Variants in USP13 observed in about 807,000 individuals in gnomAD.
The protein encoded by USP13 is ubiquitin specific peptidase 13, also known as ubiquitin carboxyl-terminal hydrolase 13.
Under a neutral mutation model 107.8 loss-of-function variants are expected in USP13, and 68 were observed. The ratio of observed to expected loss-of-function variants is 0.63; its 90% CI spans 0.52 to 0.77. The LOEUF (loss-of-function observed/expected upper bound fraction) is 0.77. USP13 is among the 30% of genes least tolerant of loss of function. The pLI, the probability that USP13 is intolerant of heterozygous loss-of-function variation, is 0.00. For synonymous variants in USP13, 377 were observed against 389.5 expected (o/e 0.97, Z 0.38); for missense variants, 945 against 1,093.3 (o/e 0.86, Z 1.91).
intron 10 of USP13, among the ~76,000 whole-genome samples, chr3:179,733,049 G>T (rs1213348747): frequency 6.6e-6 from 1 of 152,140 alleles, no homozygotes; most frequent in Non-Finnish European, 1.5e-5. Flanking sequence ...GACAGCTGGA[G>T]CCAAGGGGCA....
intron 1 of USP13, among the ~76,000 whole-genome samples, chr3:179,659,099 G>T (rs532955466): frequency 6.6e-6 from 1 of 152,294 alleles, no homozygotes; most frequent in South Asian, 2.1e-4. Flanking sequence ...GCTCTGAGAT[G>T]GCTCGGTGAT....
chr3:179,671,359 T>G (rs1720745436), intron 1 of USP13, among the ~76,000 whole-genome samples: 1 of 152,122 alleles, frequency 6.6e-6, no homozygotes, highest in Admixed American at 6.6e-5. Flanking sequence ...TCTAAATACA[T>G]TCAGTTAAAA....
At chr3:179,671,578 T>C (rs1476796975) in intron 1 of USP13, among the ~76,000 whole-genome samples, 1 of 152,206 alleles carries the variant, frequency 6.6e-6, no homozygotes, top group Non-Finnish European at 1.5e-5. Flanking sequence ...AAAAATACTA[T>C]GTACTTATTT....
chr3:179,690,210 G>T (rs752576482), intron 2 of USP13, 31 bp from the exon 3 acceptor site: 6 of 1,602,030 alleles, frequency 3.7e-6, no homozygotes, highest in African/African-American at 2.7e-5. Flanking sequence ...TTTATAGGCC[G>T]CATTTTAATG....
At chr3:179,719,859 A>C (rs1310838926) in intron 6 of USP13, 81 bp from the exon 7 acceptor site, 2 of 1,188,590 alleles carry the variant, frequency 1.7e-6, no homozygotes, top group Admixed American at 3.7e-5. Flanking sequence ...CCTGGTGTAC[A>C]GTAGGAGTTC....
At chr3:179,661,316 A>G (rs1168854512) in intron 1 of USP13, among the ~76,000 whole-genome samples, 1 of 152,200 alleles carries the variant, frequency 6.6e-6, no homozygotes, top group Admixed American at 6.5e-5. Context: ...ACATTAAATT[A>G]TTATCTTAAT....
chr3:179,657,799 G>A (rs1720321243), intron 1 of USP13, among the ~76,000 whole-genome samples: 1 of 146,258 alleles, frequency 6.8e-6, no homozygotes. Context: ...AAGAAAAAGA[G>A]TTAATCACAA....
rs753693643 is a variant in USP13, at chr3:179,690,295, T to C, written c.349T>C (p.Phe117Leu). ...ALPKRRNSKI[F>L]LDLDTDDDLN... is the part of the protein sequence containing the mutation. ...ACCAAAAAGGAGGAATTCCAAGATT[T>C]TTTTAGGTAAATAGTTATCAGTAGC... The change falls in exon 3 of 21, where the codon TTT becomes CTT. Residue 117 changes from phenylalanine to leucine, a missense_variant. Coordinates refer to ENST00000263966, the MANE Select transcript of USP13 (RefSeq NM_003940.3). The C allele has an allele frequency of 7.9e-5, 128 of 1,613,930 alleles. No homozygotes were observed. Among genetic ancestry groups the C allele is most frequent in the Non-Finnish European group, 1.1e-4 (128 of 1,179,954 alleles).
chr3:179,740,920 C>T (rs1271242031), intron 11 of USP13, among the ~76,000 whole-genome samples: 1 of 151,902 alleles, frequency 6.6e-6, no homozygotes, highest in Non-Finnish European at 1.5e-5. Context: ...GAGCCTGCCA[C>T]CACGCCCGGC....
rs1714635844 is a variant in USP13, at chr3:179,752,176, A to G, written c.1710-109A>G. 5.8e-6 allele frequency: 5 copies of G among 864,118 alleles called. No homozygotes were observed. In the East Asian group the frequency reaches 7.3e-5, roughly 13 times the overall value. The allele number at this position is 864,118 out of a possible 1,614,324, so 53.5% of individuals were successfully genotyped here. On this transcript the variant is annotated intron_variant, in intron 13 of 20. Coordinates refer to ENST00000263966, the MANE Select transcript of USP13 (RefSeq NM_003940.3). ...TTTGCATGTTCCTCCTCTTCAGTTC[A>G]GCCATTGGAATGGCCAGGTGTGCCT...
chr3:179,663,660 G>A lies in USP13; in HGVS notation c.168+10267G>A, dbSNP rs147764523. Among the ~76,000 whole-genome samples the A allele has an allele frequency of 1.9e-3, 295 of 152,232 alleles. 1 individual carries two copies. The highest frequency in any genetic ancestry group is 3.4e-3 in the Middle Eastern group (1 of 294). On this transcript the variant is annotated intron_variant, in intron 1 of 20. Transcript: ENST00000263966. ...AGGGGTCTGATCATCTCATTTGCCC[G>A]CCTTGAAATCCTCAATGGTGCCATT...
intron 6 of USP13, among the ~76,000 whole-genome samples, chr3:179,717,880 C>T (rs1332992729): frequency 1.3e-5 from 2 of 152,118 alleles, no homozygotes; most frequent in Non-Finnish European, 2.9e-5. Context: ...ATGAGGGTTG[C>T]TATCCACAGT....
intron 17 of USP13, 149 bp from the exon 18 acceptor site, chr3:179,763,853 T>C (rs528649112): frequency 1.8e-6 from 2 of 1,094,072 alleles, no homozygotes; most frequent in Admixed American, 3.1e-5. Flanking sequence ...CCCAAAGTGC[T>C]GGGATTACAG....
At chr3:179,743,720 T>C (rs1412819256) in intron 12 of USP13, among the ~76,000 whole-genome samples, 1 of 152,128 alleles carries the variant, frequency 6.6e-6, no homozygotes, top group African/African-American at 2.4e-5. Flanking sequence ...TTATCATTTA[T>C]TAGTGATAAC....
chr3:179,730,439 A>G (rs188345322), intron 9 of USP13, among the ~76,000 whole-genome samples, 177 bp from the exon 10 acceptor site: 1 of 152,382 alleles, frequency 6.6e-6, no homozygotes, highest in Admixed American at 6.5e-5. Context: ...GGACTGAAGA[A>G]AATTTGAAAC....
At chr3:179,779,486 C>T (rs980833190) in intron 19 of USP13, among the ~76,000 whole-genome samples, 3 of 151,786 alleles carry the variant, frequency 2.0e-5, no homozygotes, top group South Asian at 2.1e-4. Context: ...GCCGAGATTG[C>T]GCCACTGCAC....
chr3:179,786,655 C>G lies in USP13; in HGVS notation c.*2514C>G, dbSNP rs1715922499. The G allele has an allele frequency of 6.5e-6, 1 of 152,844 alleles. No homozygotes were observed. Among genetic ancestry groups the G allele is most frequent in the African/African-American group, 2.4e-5 (1 of 41,444 alleles). The allele number at this position is 152,844 out of a possible 1,614,324, so 9.5% of individuals were successfully genotyped here. A position where few individuals can be genotyped will look rare whatever the true frequency, so the allele number is the denominator to read the frequency against. On this transcript the variant is annotated 3_prime_UTR_variant, in exon 21 of 21. Transcript: ENST00000263966. The stretch of plus-strand genomic sequence containing the variant: ...CTTAAAAGCATATTTATATGTGTAT[C>G]TCAATATATACAAGGCAGGTTCCCC...
chr3:179,735,741 T>G lies in USP13; in HGVS notation c.1255-4506T>G, dbSNP rs144108021. On this transcript the variant is annotated intron_variant, in intron 10 of 20. Transcript: ENST00000263966. The stretch of plus-strand genomic sequence containing the variant: ...TAACATAAATATTGTATTAAAAGTT[T>G]AAAGTGTCCAGCCAGGTGTGGTGGC... Among the ~76,000 whole-genome samples the G allele has an allele frequency of 2.7e-3, 415 of 152,324 alleles. 2 individuals are homozygous for G. The highest frequency in any genetic ancestry group is 9.6e-3 in the African/African-American group (399 of 41,564).
At chr3:179,708,749 G>T in intron 5 of USP13, 24 bp from the exon 6 acceptor site, 2 of 1,612,878 alleles carry the variant, frequency 1.2e-6, no homozygotes, top group South Asian at 2.2e-5. Context: ...TGGCTGTTCT[G>T]ACTACTCTCC....
Sources: allele counts gnomAD v4.1 joint callset (sites outside exome capture counted in the v4.1 genomes callset), GRCh38; gene constraint gnomAD v4.1.1; transcripts MANE v1.5; gene names NCBI Gene and HGNC (gene_info 2026-07-23, HGNC 2026-07-21).